Variants in RAB18 observed in about 807,000 individuals in gnomAD.
The protein encoded by RAB18 is ras-related protein Rab-18.
A neutral mutation model predicts 28.5 loss-of-function variants in RAB18; 10 were observed. The observed-to-expected ratio is 0.35, with a 90% confidence interval of 0.22 to 0.60. The LOEUF is 0.60. RAB18 is among the 20% of genes least tolerant of loss of function. The probability of loss-of-function intolerance (pLI) is 0.78; values close to 1 mark genes in which losing one functional copy is unlikely to be tolerated. For synonymous variants in RAB18, 93 were observed against 86.9 expected (o/e 1.07, Z -0.39); for missense variants, 188 against 244.2 (o/e 0.77, Z 1.53).
At chr10:27,509,496 A>G (rs1177507609) in intron 1 of RAB18, among the ~76,000 whole-genome samples, 1 of 152,148 alleles carries the variant, frequency 6.6e-6, no homozygotes, top group Non-Finnish European at 1.5e-5. Flanking sequence ...GCATTCTAAG[A>G]GACTTTATTT....
chr10:27,528,789 A>G (rs1035313371), intron 3 of RAB18, among the ~76,000 whole-genome samples: 1 of 152,016 alleles, frequency 6.6e-6, no homozygotes, highest in African/African-American at 2.4e-5. Context: ...CTTCACATTA[A>G]TGTACACCAA....
chr10:27,514,684 CA>C (rs1253375180), intron 2 of RAB18, among the ~76,000 whole-genome samples: 1 of 151,620 alleles, frequency 6.6e-6, no homozygotes, highest in Non-Finnish European at 1.5e-5. Context: ...TAATGAAACA[CA>C]AATATTTAAA....
At chr10:27,525,246 G>A (rs1041097225) in intron 2 of RAB18, among the ~76,000 whole-genome samples, 4 of 152,084 alleles carry the variant, frequency 2.6e-5, no homozygotes, top group Admixed American at 6.5e-5. Flanking sequence ...ACATGTATCT[G>A]GGATTATTAA....
intron 2 of RAB18, chr10:27,510,284 G>A (rs747518107): frequency 6.7e-5 from 20 of 300,720 alleles, no homozygotes; most frequent in Non-Finnish European, 9.6e-5. Flanking sequence ...AAGAGGAGGG[G>A]TTATAATAGT....
At chr10:27,530,054 ATGT>A (rs1834755611) in intron 3 of RAB18, among the ~76,000 whole-genome samples, 1 of 151,976 alleles carries the variant, frequency 6.6e-6, no homozygotes, top group Non-Finnish European at 1.5e-5. Flanking sequence ...TCTGATTTTT[ATGT>A]TGTGTTTCAT....
intron 2 of RAB18, among the ~76,000 whole-genome samples, chr10:27,520,850 G>A (rs1458819109): frequency 1.6e-5 from 2 of 122,860 alleles, no homozygotes; most frequent in African/African-American, 3.1e-5. Flanking sequence ...CCAGGAGGCA[G>A]AAGTTGCAGT....
At chr10:27,504,482 C>G (rs1257671405) in intron 1 of RAB18, 45 bp downstream of exon 1, 2 of 1,543,392 alleles carry the variant, frequency 1.3e-6, no homozygotes, top group Middle Eastern at 1.7e-4. Context: ...TGGGCTCTTT[C>G]TGCCCCGGTG....
intron 6 of RAB18, among the ~76,000 whole-genome samples, chr10:27,537,592 A>G (rs1247200247): frequency 6.6e-6 from 1 of 152,228 alleles, no homozygotes; most frequent in Non-Finnish European, 1.5e-5. Flanking sequence ...TTCGCTCGCT[A>G]TTTAAGTAGG....
intron 6 of RAB18, among the ~76,000 whole-genome samples, chr10:27,534,614 CA>C (rs1379346071): frequency 6.6e-6 from 1 of 152,234 alleles, no homozygotes; most frequent in Non-Finnish European, 1.5e-5. Context: ...TGGCCCTTTA[CA>C]GAAAGAGTTT....
intron 2 of RAB18, among the ~76,000 whole-genome samples, chr10:27,512,171 C>T (rs1301354350): frequency 6.6e-6 from 1 of 151,892 alleles, no homozygotes; most frequent in Admixed American, 6.5e-5. Flanking sequence ...TTAGGCATTA[C>T]TTAGCTTTTG....
chr10:27,512,246 C>T (rs897070012), intron 2 of RAB18, among the ~76,000 whole-genome samples: 18 of 151,788 alleles, frequency 1.2e-4, no homozygotes, highest in Non-Finnish European at 1.2e-4. Flanking sequence ...ATTTAAAACA[C>T]GAATTCAAAA....
At chr10:27,523,950 G>A (rs949250630) in intron 2 of RAB18, among the ~76,000 whole-genome samples, 6 of 151,768 alleles carry the variant, frequency 4.0e-5, no homozygotes, top group African/African-American at 1.5e-4. Flanking sequence ...GTGGTGGCAG[G>A]CGCCTGTAGT....
chr10:27,511,224 G>A (rs1834316198), intron 2 of RAB18, among the ~76,000 whole-genome samples: 1 of 152,014 alleles, frequency 6.6e-6, no homozygotes, highest in Non-Finnish European at 1.5e-5. Context: ...TTATTTTCGA[G>A]ACAGAGTCTA....
intron 1 of RAB18, among the ~76,000 whole-genome samples, chr10:27,508,190 T>TA (rs1837898617): frequency 6.6e-6 from 1 of 152,178 alleles, no homozygotes; most frequent in African/African-American, 2.4e-5. Context: ...GCTACCAGGG[T>TA]ACCCCTGTCT....
chr10:27,515,745 T>A (rs866345775), intron 2 of RAB18, among the ~76,000 whole-genome samples: 59 of 150,328 alleles, frequency 3.9e-4, no homozygotes, highest in South Asian at 8.4e-4. Context: ...AAAAAAAAAA[T>A]TTTTTTTCAT....
chr10:27,531,801 T>TC (rs1834794142), intron 3 of RAB18, among the ~76,000 whole-genome samples: 1 of 151,842 alleles, frequency 6.6e-6, no homozygotes. Context: ...TTTTTTTTTT[T>TC]CTCAACAAAT....
intron 6 of RAB18, among the ~76,000 whole-genome samples, chr10:27,534,984 T>G (rs1834863564): frequency 6.6e-6 from 1 of 152,248 alleles, no homozygotes; most frequent in Non-Finnish European, 1.5e-5. Context: ...TGACAAACTT[T>G]CTGCCCACAT....
At chr10:27,509,528 G>C (rs755216997) in intron 1 of RAB18, among the ~76,000 whole-genome samples, 3 of 152,088 alleles carry the variant, frequency 2.0e-5, no homozygotes, top group Non-Finnish European at 4.4e-5. Context: ...ATCTATGTCA[G>C]TTAAAGCATG....
chr10:27,509,923 A>C lies in RAB18; in HGVS notation c.117A>C (p.Ala39=). 2 of 1,610,474 alleles carry C rather than the reference A, an allele frequency of 1.2e-6. No homozygotes were observed. The highest frequency in any genetic ancestry group is 1.7e-4 in the Middle Eastern group (1 of 6,056). ...ATACGTTTGATCCAGAACTTGCAGCAACAATAGGTAAGCCTGTGTTTAAAA... is the reference window on the plus strand; with the variant it reads ...ATACGTTTGATCCAGAACTTGCAGCCACAATAGGTAAGCCTGTGTTTAAAA... The part of the protein sequence containing the change: ...TDDTFDPELA[A]TIGVDFKVKT... The change falls in exon 2 of 7, where the codon GCA becomes GCC. Residue 39 remains alanine, a synonymous_variant. Coordinates refer to ENST00000356940, the MANE Select transcript of RAB18 (RefSeq NM_021252.5).
Sources: allele counts gnomAD v4.1 joint callset (sites outside exome capture counted in the v4.1 genomes callset), GRCh38; gene constraint gnomAD v4.1.1; transcripts MANE v1.5; gene names NCBI Gene and HGNC (gene_info 2026-07-23, HGNC 2026-07-21).